Variants in FOXRED1 observed in about 807,000 individuals in gnomAD.
The protein encoded by FOXRED1 is FAD dependent oxidoreductase domain containing 1.
FOXRED1 carries 52 observed loss-of-function variants against 57.8 expected under a neutral mutation model. The observed-to-expected ratio is 0.90, with a 90% CI of 0.72 to 1.13. The LOEUF is 1.13. FOXRED1 is among the 50% of genes most tolerant of loss of function. The pLI, the probability that FOXRED1 is intolerant of heterozygous loss-of-function variation, is 0.00. For missense variants in FOXRED1, 589 were observed against 625.2 expected (o/e 0.94, Z 0.62); for synonymous variants, 271 against 248.3 (o/e 1.09, Z -0.86).
Position 126,277,192 on chromosome 11 carries a change from G to C in FOXRED1, c.1206+17G>C. The C allele has an allele frequency of 2.0e-6, 3 of 1,531,720 alleles. No homozygotes were observed. The highest frequency in any genetic ancestry group is 2.7e-6 in the Non-Finnish European group (3 of 1,105,324). The allele number at this position is 1,531,720 out of a possible 1,614,324, so 94.9% of individuals were successfully genotyped here. A position where few individuals can be genotyped will look rare whatever the true frequency, so the allele number is the denominator to read the frequency against. The stretch of plus-strand genomic sequence containing the variant: ...ACTCTGAAGGTAACTGGCAAGGGCT[G>C]GTTTTCCTTTTTATTTTTGGACATT... On this transcript the variant is annotated intron_variant, in intron 10 of 10. Transcript: ENST00000263578. This position sits in a 1 kb window ranked among gnomAD's most constrained non-coding sequence, Gnocchi z 6.8.
intron 8 of FOXRED1, 34 bp from the exon 9 acceptor site, chr11:126,276,360 T>A (rs1341569608): frequency 3.6e-6 from 4 of 1,107,276 alleles, no homozygotes; most frequent in Non-Finnish European, 4.7e-6. Context: ...GGCCATGCTG[T>A]TTCTGCAGTT....
chr11:126,276,897 G>T (rs1951167580), intron 9 of FOXRED1, 174 bp from the exon 10 acceptor site: 7 of 603,646 alleles, frequency 1.2e-5, no homozygotes, highest in South Asian at 9.3e-5. Context: ...AAAAGAAAAA[G>T]AATCAGCCTT....
Position 126,276,511 on chromosome 11 carries a change from T to C in FOXRED1, c.1089T>C (p.Arg363=), listed in dbSNP as rs1442225761. 2 of 1,606,768 alleles carry C rather than the reference T, an allele frequency of 1.2e-6. No individual in the cohort carries two copies. Among genetic ancestry groups the C allele is most frequent in the East Asian group, 2.2e-5 (1 of 44,540 alleles). Residue 363 remains arginine, a synonymous_variant, in exon 9 of 11, where the codon CGT becomes CGC. Transcript: ENST00000263578. ...EGLGSNYLGG[R]SPTEQEEPDP... ...TAGGTAGCAACTACCTAGGTGGTCG[T>C]AGCCCCACTGAGGTAAGCTGAGTGG...
Position 126,275,048 on chromosome 11 carries a change from CT to C in FOXRED1, c.631+33del. On this transcript the variant is annotated intron_variant, in intron 5 of 10. Transcript: ENST00000263578. The surrounding 1 kb of genome is among the most constrained non-coding windows in gnomAD (Gnocchi z 5.9). ...TGAGGCTTGCTTGCAGAGGGGACAG[CT>C]TTTTTCCTGAAGATGGAGACTAAGG... 4 of 1,481,142 alleles carry C rather than the reference CT, an allele frequency of 2.7e-6. No homozygotes were observed. The highest frequency in any genetic ancestry group is 3.8e-6 in the Non-Finnish European group (4 of 1,058,808). The allele number at this position is 1,481,142 out of a possible 1,614,324, so 91.7% of individuals were successfully genotyped here.
chr11:126,277,087 C>T lies in FOXRED1; in HGVS notation c.1118C>T (p.Pro373Leu), dbSNP rs146601425. ...RSPTEQEEPD[P>L]ANLEVDHDFF... ...TCACTCCAGCAGGAAGAACCGGACC[C>T]GGCGAACCTGGAAGTGGACCATGAT... is the stretch of plus-strand genomic sequence containing the variant. The change falls in exon 10 of 11, where the codon CCG (proline) becomes CTG (leucine). Residue 373 changes from proline (P) to leucine (L), a missense_variant. Transcript: ENST00000263578. This position sits in a 1 kb window ranked among gnomAD's most constrained non-coding sequence, Gnocchi z 6.8. 26 of 1,612,376 alleles carry T rather than the reference C, an allele frequency of 1.6e-5. No individual in the cohort carries two copies. The highest frequency in any genetic ancestry group is 3.3e-5 in the Admixed American group (2 of 59,988).
rs1273553756 is a variant in FOXRED1, at chr11:126,276,123, G to T, written c.875G>T (p.Gly292Val). ...TGCGCCATTGTGATCAACGCAGCCG[G>T]AGCCTGGTCTGCGCAAATCGCAGCA... ...VECAIVINAA[G>V]AWSAQIAALA... Residue 292 changes from glycine to valine, a missense_variant, in exon 8 of 11, where the codon GGA (glycine) becomes GTA (valine). Coordinates refer to ENST00000263578, the MANE Select transcript of FOXRED1 (RefSeq NM_017547.4). The T allele has an allele frequency of 1.2e-6, 2 of 1,612,606 alleles. No homozygotes were observed. Among genetic ancestry groups the T allele is most frequent in the African/African-American group, 2.7e-5 (2 of 74,840 alleles).
In FOXRED1 at chr11:126,272,509, C is replaced by T; in HGVS notation, c.307-460C>T. The T allele has an allele frequency of 1.2e-5, 3 of 242,036 alleles. No individual in the cohort carries two copies. Among genetic ancestry groups the T allele is most frequent in the Admixed American group, 5.1e-5 (1 of 19,482 alleles). 15.0% of individuals were successfully genotyped at this position (242,036 alleles called of 1,614,324 possible). A position where few individuals can be genotyped will look rare whatever the true frequency, so the allele number is the denominator to read the frequency against. ...GGTTTTGCCACGTTGCCCAGCTGGT[C>T]TCAGATTCCTGAACTCAAGCAATCA... On this transcript the variant is annotated intron_variant, in intron 2 of 10. Transcript: ENST00000263578. This position sits in a 1 kb window ranked among gnomAD's most constrained non-coding sequence, Gnocchi z 4.6.
rs1951171490 is a variant in FOXRED1, at chr11:126,277,040, A to G, written c.1102-31A>G. On this transcript the variant is annotated intron_variant, in intron 9 of 10. Coordinates refer to ENST00000263578, the MANE Select transcript of FOXRED1 (RefSeq NM_017547.4). The surrounding 1 kb of genome is among the most constrained non-coding windows in gnomAD (Gnocchi z 6.8). Reference sequence around the variant, plus strand: ...TGGGCCTGTCCTTGTGTCCCAGGCAATGTAAGCGTTGTCCCCACCTCTCAC... The same window carrying G: ...TGGGCCTGTCCTTGTGTCCCAGGCAGTGTAAGCGTTGTCCCCACCTCTCAC... 6.0e-6 allele frequency: 8 copies of G among 1,326,864 alleles called. No individual in the cohort carries two copies. The highest frequency in any genetic ancestry group is 8.7e-6 in the Non-Finnish European group (8 of 918,278). 82.2% of individuals were successfully genotyped at this position (1,326,864 alleles called of 1,614,324 possible). A position where few individuals can be genotyped will look rare whatever the true frequency, so the allele number is the denominator to read the frequency against.
Position 126,271,587 on chromosome 11 carries a change from C to A in FOXRED1, c.236C>A (p.Ala79Asp). The part of the protein sequence containing the change: ...VGGGVLGLSV[A>D]YWLKKLESRR... Reference sequence around the variant, plus strand: ...GGTGGGGTGCTTGGCTTGTCTGTGGCCTATTGGCTGAAGAAGCTGGAGAGC... The same window carrying A: ...GGTGGGGTGCTTGGCTTGTCTGTGGACTATTGGCTGAAGAAGCTGGAGAGC... Residue 79 changes from alanine to aspartate, a missense_variant, in exon 2 of 11, where the codon GCC (alanine) becomes GAC (aspartate). By Grantham distance (126) the Ala-to-Asp change is moderately radical. Transcript: ENST00000263578. This position sits in a 1 kb window ranked among gnomAD's most constrained non-coding sequence, Gnocchi z 5.3. The A allele has an allele frequency of 1.9e-6, 3 of 1,614,188 alleles. No homozygotes were observed. Among genetic ancestry groups the A allele is most frequent in the Non-Finnish European group, 2.5e-6 (3 of 1,180,028 alleles).
At position 126,274,305 on chromosome 11, in the gene FOXRED1, G is replaced by A. The variant is rs1369608864; in HGVS notation, c.537-622G>A. ...GGATTGTACAAGGAGTGGAGAGGAG[G>A]TGGATCCAGGCAGGAGTGGAGGGAA... is the stretch of plus-strand genomic sequence containing the variant. On this transcript the variant is annotated intron_variant, in intron 4 of 10. Transcript: ENST00000263578. The surrounding 1 kb of genome is among the most constrained non-coding windows in gnomAD (Gnocchi z 4.8). 5.9e-6 allele frequency: 1 copy of A among 169,010 alleles called. No homozygotes were observed. Among genetic ancestry groups the A allele is most frequent in the Non-Finnish European group, 1.3e-5 (1 of 76,940 alleles). 10.5% of individuals were successfully genotyped at this position (169,010 alleles called of 1,614,324 possible). A position where few individuals can be genotyped will look rare whatever the true frequency, so the allele number is the denominator to read the frequency against.
Position 126,273,509 on chromosome 11 carries a change from T to C in FOXRED1, c.536+55T>C. The C allele has an allele frequency of 8.7e-7, 1 of 1,153,944 alleles. No homozygotes were observed. Among genetic ancestry groups the C allele is most frequent in the Non-Finnish European group, 1.3e-6 (1 of 761,258 alleles). The allele number at this position is 1,153,944 out of a possible 1,614,324, so 71.5% of individuals were successfully genotyped here. On this transcript the variant is annotated intron_variant, in intron 4 of 10. Transcript: ENST00000263578. The surrounding 1 kb of genome is among the most constrained non-coding windows in gnomAD (Gnocchi z 5.9). ...TTGGCAGCCAAAGGTGTTGGGTGAC[T>C]CCTGCACCAGGTTAGGAAGCGAGAA...
rs994107067 is a variant in FOXRED1 at position 126,273,949 on chromosome 11, C to G, written c.536+495C>G. ...GGCAGCAGGTCGGATTTGGCAACCC[C>G]TGCTCTAAGTGATTCTCATGGTCAG... On this transcript the variant is annotated intron_variant, in intron 4 of 10. Transcript: ENST00000263578. The surrounding 1 kb of genome is among the most constrained non-coding windows in gnomAD (Gnocchi z 5.9). 4.8e-6 allele frequency: 1 copy of G among 207,486 alleles called. No individual in the cohort carries two copies. Among genetic ancestry groups the G allele is most frequent in the African/African-American group, 2.3e-5 (1 of 43,276 alleles). 12.9% of individuals were successfully genotyped at this position (207,486 alleles called of 1,614,324 possible). A position where few individuals can be genotyped will look rare whatever the true frequency, so the allele number is the denominator to read the frequency against.
At position 126,273,526 on chromosome 11, in the gene FOXRED1, A is replaced by C. The variant is rs770896312; in HGVS notation, c.536+72A>C. The stretch of plus-strand genomic sequence containing the variant: ...TGGGTGACTCCTGCACCAGGTTAGG[A>C]AGCGAGAAAGTGGAGTTGATAAGAC... On this transcript the variant is annotated intron_variant, in intron 4 of 10. Transcript: ENST00000263578. The surrounding 1 kb of genome is among the most constrained non-coding windows in gnomAD (Gnocchi z 5.9). 2.0e-6 allele frequency: 2 copies of C among 996,308 alleles called. No homozygotes were observed. Among genetic ancestry groups the C allele is most frequent in the African/African-American group, 3.2e-5 (2 of 63,106 alleles). 61.7% of individuals were successfully genotyped at this position (996,308 alleles called of 1,614,324 possible).
chr11:126,271,355 C>T lies in FOXRED1; in HGVS notation c.86-82C>T. On this transcript the variant is annotated intron_variant, in intron 1 of 10. Transcript: ENST00000263578. This position sits in a 1 kb window ranked among gnomAD's most constrained non-coding sequence, Gnocchi z 5.3. ...CCAACTCATGTGTCTGTTTAGCTCA[C>T]CTTTTCCTGTGCCCATCCTCCAACC... 9.8e-7 allele frequency: 1 copy of T among 1,017,946 alleles called. No individual in the cohort carries two copies. The highest frequency in any genetic ancestry group is 1.3e-5 in the South Asian group (1 of 78,064). 63.1% of individuals were successfully genotyped at this position (1,017,946 alleles called of 1,614,324 possible). A position where few individuals can be genotyped will look rare whatever the true frequency, so the allele number is the denominator to read the frequency against.
Position 126,273,080 on chromosome 11 carries a change from G to A in FOXRED1, c.417+1G>A. On this transcript the variant is annotated splice_donor_variant, in intron 3 of 10. Transcript: ENST00000263578. LOFTEE classifies it high-confidence loss of function. The surrounding 1 kb of genome is among the most constrained non-coding windows in gnomAD (Gnocchi z 5.9). Reference sequence around the variant, plus strand: ...AGCCAGCTTTCTACGGAACATCAATGTAGGTGCAATGATATCCGGGATGTT... The same window carrying A: ...AGCCAGCTTTCTACGGAACATCAATATAGGTGCAATGATATCCGGGATGTT... 6 of 1,503,876 alleles carry A rather than the reference G, an allele frequency of 4.0e-6. No individual in the cohort carries two copies. The highest frequency in any genetic ancestry group is 1.1e-5 in the South Asian group (1 of 88,936). 93.2% of individuals were successfully genotyped at this position (1,503,876 alleles called of 1,614,324 possible). A position where few individuals can be genotyped will look rare whatever the true frequency, so the allele number is the denominator to read the frequency against.
At position 126,271,558 on chromosome 11, in the gene FOXRED1, G is replaced by C; in HGVS notation, c.207G>C (p.Val69=). The stretch of plus-strand genomic sequence containing the variant: ...CCGAGCACTCGGATGTGGTGATCGT[G>C]GGAGGTGGGGTGCTTGGCTTGTCTG... ...LPPEHSDVVI[V]GGGVLGLSVA... Residue 69 remains valine (V), a synonymous_variant, in exon 2 of 11, where the codon GTG becomes GTC. Coordinates refer to ENST00000263578, the MANE Select transcript of FOXRED1 (RefSeq NM_017547.4). This position sits in a 1 kb window ranked among gnomAD's most constrained non-coding sequence, Gnocchi z 5.3. 6.2e-7 allele frequency: 1 copy of C among 1,614,228 alleles called. No homozygotes were observed. The highest frequency in any genetic ancestry group is 8.5e-7 in the Non-Finnish European group (1 of 1,180,042).
chr11:126,277,308 G>A lies in FOXRED1; in HGVS notation c.1207-127G>A, dbSNP rs1489191675. The stretch of plus-strand genomic sequence containing the variant: ...TGTCACAACTGCTAAGGAATTTCTT[G>A]GACACATCCCATCCCATAGACCCCT... On this transcript the variant is annotated intron_variant, in intron 10 of 10. Transcript: ENST00000263578. This position sits in a 1 kb window ranked among gnomAD's most constrained non-coding sequence, Gnocchi z 6.8. 6.9e-6 allele frequency: 9 copies of A among 1,310,806 alleles called. No individual in the cohort carries two copies. The highest frequency in any genetic ancestry group is 5.8e-5 in the African/African-American group (4 of 69,096). 81.2% of individuals were successfully genotyped at this position (1,310,806 alleles called of 1,614,324 possible). A position where few individuals can be genotyped will look rare whatever the true frequency, so the allele number is the denominator to read the frequency against.
rs1167295029 is a variant in FOXRED1, at chr11:126,276,145, A to G, written c.897A>G (p.Ala299=). ...CCGGAGCCTGGTCTGCGCAAATCGC[A>G]GCACTGGCTGGTGTTGGAGAGGGGC... ...NAAGAWSAQI[A]ALAGVGEGPP... The change falls in exon 8 of 11, where the codon GCA becomes GCG. Residue 299 remains alanine (A), a synonymous_variant. Transcript: ENST00000263578. 8 of 1,612,138 alleles carry G rather than the reference A, an allele frequency of 5.0e-6. No individual in the cohort carries two copies. In the African/African-American group the frequency reaches 1.1e-4, roughly 22 times the overall value.
In FOXRED1 at chr11:126,269,682, A is replaced by G. The variant is rs1238619219; in HGVS notation, c.85+391A>G. On this transcript the variant is annotated intron_variant, in intron 1 of 10. Coordinates refer to ENST00000263578, the MANE Select transcript of FOXRED1 (RefSeq NM_017547.4). ...GTACCTAGAGAGGGAAAATTTCAAT[A>G]GACAGTAGGCCAGTTCAAGACTGGA... Among the ~76,000 whole-genome samples the G allele has an allele frequency of 2.0e-5, 3 of 152,204 alleles. No homozygotes were observed. The East Asian group carries it at 5.8e-4, about 29-fold the overall frequency.
Sources: gnomAD v4.1 joint callset for allele counts (sites outside exome capture counted in the v4.1 genomes callset) on GRCh38, gnomAD v4.1.1 for gene constraint, Gnocchi (gnomAD v3.1) non-coding constraint, MANE v1.5 for transcripts, NCBI Gene and HGNC (gene_info 2026-07-23, HGNC 2026-07-21) for gene names.